The following CCBE1 variants were observed in gnomAD, a reference collection of about 807,000 sequenced individuals.
The protein encoded by CCBE1 is collagen and calcium-binding EGF domain-containing protein 1.
In CCBE1, 37 loss-of-function variants were observed where a neutral mutation model predicts 50.0. The observed-to-expected ratio is 0.74, with a 90% CI of 0.57 to 0.97. The LOEUF (loss-of-function observed/expected upper bound fraction) is 0.97. Among genes scored for constraint, CCBE1 ranks in the 50% least tolerant of loss-of-function variants. The pLI, the probability that CCBE1 is intolerant of heterozygous loss-of-function variation, is 0.00. For missense variants in CCBE1, 538 were observed against 523.8 expected, an observed-to-expected ratio of 1.03 and a Z score of -0.26; for synonymous variants, 234 against 203.7, an observed-to-expected ratio of 1.15 and a Z score of -1.27.
intron 2 of CCBE1, among the ~76,000 whole-genome samples, chr18:59,567,684 A>T (rs1440429836): frequency 6.6e-6 from 1 of 152,120 alleles, no homozygotes; most frequent in Non-Finnish European, 1.5e-5. Flanking sequence ...AGGGCTGATG[A>T]TATCCTACGT....
chr18:59,485,610 A>ATTTATTTG (rs778786243), intron 2 of CCBE1, among the ~76,000 whole-genome samples: 1 of 150,146 alleles, frequency 6.7e-6, no homozygotes, highest in Non-Finnish European at 1.5e-5. Context: ...TTATTTATTT[A>ATTTATTTG]TTTATTTATT....
chr18:59,580,929 A>G (rs1306472577), intron 2 of CCBE1, among the ~76,000 whole-genome samples: 1 of 152,188 alleles, frequency 6.6e-6, no homozygotes, highest in African/African-American at 2.4e-5. Context: ...GCTTTCCATT[A>G]GAAGCCATCT....
At chr18:59,636,778 T>A (rs560894981) in intron 2 of CCBE1, among the ~76,000 whole-genome samples, 1 of 152,176 alleles carries the variant, frequency 6.6e-6, no homozygotes, top group Non-Finnish European at 1.5e-5. Context: ...CAAAAAAGAA[T>A]CTGTTTATAC....
intron 2 of CCBE1, among the ~76,000 whole-genome samples, chr18:59,679,959 C>T (rs961133396): frequency 1.3e-4 from 20 of 152,312 alleles, no homozygotes; most frequent in African/African-American, 4.8e-4. Context: ...CACAGTTGTT[C>T]ATGCCTGTAA....
chr18:59,449,611 A>G (rs563768149), intron 6 of CCBE1, among the ~76,000 whole-genome samples: 1 of 128,192 alleles, frequency 7.8e-6, no homozygotes, highest in East Asian at 2.2e-4. Context: ...TGGGCAACAG[A>G]GTGAGACTCT....
At chr18:59,551,495 C>T (rs560083658) in intron 2 of CCBE1, among the ~76,000 whole-genome samples, 11 of 152,280 alleles carry the variant, frequency 7.2e-5, no homozygotes, top group South Asian at 2.1e-4. Context: ...AAGCACACCA[C>T]GATGCCACCA....
At chr18:59,597,805 C>T (rs1479928016) in intron 2 of CCBE1, among the ~76,000 whole-genome samples, 1 of 152,110 alleles carries the variant, frequency 6.6e-6, no homozygotes, top group Non-Finnish European at 1.5e-5. Flanking sequence ...GTCTTATTAC[C>T]ATCCAGATAA....
rs1219938540 is a variant in CCBE1 at position 59,469,571 on chromosome 18, T to G, written c.302A>C (p.Gln101Pro). 6.2e-7 allele frequency: 1 copy of G among 1,614,080 alleles called. No homozygotes were observed. The highest frequency in any genetic ancestry group is 1.7e-5 in the Admixed American group (1 of 60,000). The change falls in exon 4 of 11, where the codon CAG (glutamine) becomes CCG (proline). Residue 101 changes from glutamine (Q) to proline (P), a missense_variant. By Grantham distance (76) the Gln-to-Pro change is moderately conservative. Coordinates refer to ENST00000439986, the MANE Select transcript of CCBE1 (RefSeq NM_133459.4). The stretch of plus-strand genomic sequence containing the variant: ...CACTCGGCCAAAGTTGTCCGTGCAC[T>G]GCTGTTCACAGGGAGCCTCGGCACA... Reference protein sequence around the residue: ...DVCAEAPCEQQCTDNFGRVLC... With the variant: ...DVCAEAPCEQPCTDNFGRVLC...
At chr18:59,445,630 C>T (rs550895105) in intron 7 of CCBE1, among the ~76,000 whole-genome samples, 1 of 152,244 alleles carries the variant, frequency 6.6e-6, no homozygotes, top group East Asian at 1.9e-4. Context: ...TAAAAGCAGT[C>T]GATGTTCCAT....
At chr18:59,520,026 G>T (rs1258547629) in intron 2 of CCBE1, among the ~76,000 whole-genome samples, 2 of 152,090 alleles carry the variant, frequency 1.3e-5, no homozygotes, top group African/African-American at 4.8e-5. Context: ...TGTTCCATTT[G>T]TCTATATATC....
chr18:59,609,668 G>T (rs1481087981), intron 2 of CCBE1, among the ~76,000 whole-genome samples: 1 of 152,144 alleles, frequency 6.6e-6, no homozygotes, highest in East Asian at 1.9e-4. Context: ...CTCATGATCA[G>T]TTTCACCCTT....
chr18:59,665,808 C>A (rs34978199), intron 2 of CCBE1, among the ~76,000 whole-genome samples: 3,894 of 152,286 alleles, frequency 0.026, 79 homozygotes, highest in Non-Finnish European at 0.042. Context: ...TCTAGTGCGT[C>A]TGTGTTTGCT....
chr18:59,692,199 C>T (rs1205073158), intron 2 of CCBE1, among the ~76,000 whole-genome samples: 5 of 152,196 alleles, frequency 3.3e-5, no homozygotes, highest in South Asian at 2.1e-4. Flanking sequence ...AAACATTCAA[C>T]ATGCAGACTT....
intron 2 of CCBE1, among the ~76,000 whole-genome samples, chr18:59,672,346 C>T (rs950643364): frequency 9.2e-5 from 14 of 152,304 alleles, no homozygotes; most frequent in Admixed American, 7.2e-4. Context: ...GACTGGCTGG[C>T]CCTGTCACCT....
chr18:59,626,272 T>G (rs2053783637), intron 2 of CCBE1, among the ~76,000 whole-genome samples: 1 of 152,196 alleles, frequency 6.6e-6, no homozygotes, highest in South Asian at 2.1e-4. Context: ...CCACAGTAAA[T>G]CCTTTGGTAA....
chr18:59,659,039 C>T (rs903428023), intron 2 of CCBE1, among the ~76,000 whole-genome samples: 2 of 152,088 alleles, frequency 1.3e-5, no homozygotes, highest in African/African-American at 4.8e-5. Flanking sequence ...CGACAAATAA[C>T]ATTGAAAATG....
chr18:59,661,292 C>T (rs1394258778), intron 2 of CCBE1, among the ~76,000 whole-genome samples: 3 of 152,216 alleles, frequency 2.0e-5, no homozygotes, highest in South Asian at 2.1e-4. Context: ...AGCTGGGACA[C>T]TGTTCACATG....
At chr18:59,504,065 C>T (rs79486254) in intron 2 of CCBE1, among the ~76,000 whole-genome samples, 2,036 of 152,236 alleles carry the variant, frequency 0.013, 51 homozygotes, top group African/African-American at 0.047. Flanking sequence ...ATGTGTTAAT[C>T]GCCAACTCAC....
intron 2 of CCBE1, among the ~76,000 whole-genome samples, chr18:59,564,299 A>G (rs1379814271): frequency 6.6e-6 from 1 of 152,238 alleles, no homozygotes; most frequent in Non-Finnish European, 1.5e-5. Flanking sequence ...GTCATTTGAC[A>G]TAATTCTCTC....
Sources: allele counts gnomAD v4.1 joint callset (sites outside exome capture counted in the v4.1 genomes callset), GRCh38; gene constraint gnomAD v4.1.1; transcripts MANE v1.5; gene names NCBI Gene and HGNC (gene_info 2026-07-23, HGNC 2026-07-21).